Variants in SYT1 observed in about 807,000 individuals in gnomAD.
SYT1 encodes synaptotagmin 1.
Under a neutral mutation model 44.8 loss-of-function variants are expected in SYT1, and 8 were observed. The observed-to-expected ratio is 0.18, with a 90% confidence interval of 0.10 to 0.32. SYT1 has a LOEUF of 0.32. SYT1 is among the 10% of genes least tolerant of loss of function. The pLI is 1.00. For missense variants in SYT1, 286 were observed against 509.3 expected, an observed-to-expected ratio of 0.56 and a Z score of 4.22; for synonymous variants, 154 against 188.8, an observed-to-expected ratio of 0.82 and a Z score of 1.51.
At chr12:79,042,642 T>G (rs1425575114) in intron 2 of SYT1, among the ~76,000 whole-genome samples, 1 of 133,198 alleles carries the variant, frequency 7.5e-6, no homozygotes, top group African/African-American at 2.9e-5. Context: ...CTGCTCTGAT[T>G]TTAGTTATTT....
At chr12:79,286,583 T>A (rs536855644) in intron 5 of SYT1, among the ~76,000 whole-genome samples, 60 of 152,292 alleles carry the variant, frequency 3.9e-4, no homozygotes, top group Middle Eastern at 3.4e-3. Context: ...AATTCTCATT[T>A]CAATTTAATA....
At chr12:78,907,837 A>G (rs917293871) in intron 1 of SYT1, among the ~76,000 whole-genome samples, 2 of 152,086 alleles carry the variant, frequency 1.3e-5, no homozygotes, top group Non-Finnish European at 2.9e-5. Context: ...AGGACTTAAT[A>G]GAAGCAAAAT....
At chr12:79,103,404 A>T (rs1409572905) in intron 3 of SYT1, among the ~76,000 whole-genome samples, 2 of 152,058 alleles carry the variant, frequency 1.3e-5, no homozygotes, top group Non-Finnish European at 2.9e-5. Flanking sequence ...GTCCTAAAAG[A>T]TATTTTTTTC....
intron 3 of SYT1, among the ~76,000 whole-genome samples, chr12:79,157,424 T>G (rs1724882967): frequency 6.6e-6 from 1 of 152,200 alleles, no homozygotes; most frequent in African/African-American, 2.4e-5. Context: ...CCGTCGCTAT[T>G]TAGAGACTTC....
At chr12:79,251,431 G>T (rs1282046933) in intron 4 of SYT1, among the ~76,000 whole-genome samples, 1 of 152,092 alleles carries the variant, frequency 6.6e-6, no homozygotes. Flanking sequence ...TCAGATAAGA[G>T]AAAATGGAAA....
At chr12:79,173,548 C>T (rs1871681176) in intron 3 of SYT1, among the ~76,000 whole-genome samples, 2 of 151,980 alleles carry the variant, frequency 1.3e-5, no homozygotes, top group Non-Finnish European at 2.9e-5. Context: ...GTGTTCCCAT[C>T]CTAAAAGAGA....
At chr12:78,876,729 T>TATA in intron 1 of SYT1, among the ~76,000 whole-genome samples, 1 of 102,274 alleles carries the variant, frequency 9.8e-6, no homozygotes, top group Non-Finnish European at 1.9e-5. Context: ...ATAATATAAT[T>TATA]ATATATTATA....
At chr12:78,916,511 CT>C (rs1876663929) in intron 1 of SYT1, among the ~76,000 whole-genome samples, 1 of 151,874 alleles carries the variant, frequency 6.6e-6, no homozygotes, top group South Asian at 2.1e-4. Context: ...TCTTATCCTA[CT>C]TTTTTGTAGT....
At chr12:79,084,282 C>T (rs1877232710) in intron 3 of SYT1, among the ~76,000 whole-genome samples, 1 of 152,076 alleles carries the variant, frequency 6.6e-6, no homozygotes, top group African/African-American at 2.4e-5. Context: ...TTTATTCATT[C>T]ATCTAGATAT....
intron 1 of SYT1, among the ~76,000 whole-genome samples, chr12:78,906,961 C>T (rs1202265382): frequency 6.6e-6 from 1 of 151,980 alleles, no homozygotes; most frequent in Non-Finnish European, 1.5e-5. Context: ...TTAATAATAC[C>T]TACTGCTATA....
At chr12:79,431,265 T>C (rs1869758500) in intron 9 of SYT1, among the ~76,000 whole-genome samples, 1 of 152,146 alleles carries the variant, frequency 6.6e-6, no homozygotes, top group African/African-American at 2.4e-5. Context: ...ATTTAACTAA[T>C]ACCCCCACTC....
intron 9 of SYT1, 71 bp downstream of exon 9, chr12:79,353,690 TG>T: frequency 1.8e-6 from 2 of 1,095,826 alleles, no homozygotes; most frequent in Admixed American, 3.4e-5. Context: ...ATGGCGCACA[TG>T]CTGCGACTCC....
chr12:79,446,034 T>TATATAA (rs1491131045), intron 10 of SYT1, among the ~76,000 whole-genome samples: 1 of 115,542 alleles, frequency 8.7e-6, no homozygotes, highest in Non-Finnish European at 1.8e-5. Context: ...TATATATATA[T>TATATAA]TATGCCTAGG....
chr12:79,360,383 T>C (rs924274235), intron 9 of SYT1, among the ~76,000 whole-genome samples: 42 of 152,306 alleles, frequency 2.8e-4, no homozygotes, highest in Non-Finnish European at 5.1e-4. Flanking sequence ...ATAAAAGCAA[T>C]AGATGTTTCC....
intron 4 of SYT1, among the ~76,000 whole-genome samples, chr12:79,252,552 A>C (rs2138698237): frequency 6.6e-6 from 1 of 152,226 alleles, no homozygotes; most frequent in Non-Finnish European, 1.5e-5. Flanking sequence ...CACTTCTGGG[A>C]TAAGCATTTG....
At chr12:79,201,937 G>A (rs996659565) in intron 3 of SYT1, among the ~76,000 whole-genome samples, 14 of 152,056 alleles carry the variant, frequency 9.2e-5, no homozygotes, top group African/African-American at 3.4e-4. Flanking sequence ...TGATCAGTAA[G>A]TATGAAAAAA....
intron 3 of SYT1, among the ~76,000 whole-genome samples, chr12:79,113,346 A>C (rs1483392830): frequency 6.6e-6 from 1 of 152,148 alleles, no homozygotes; most frequent in African/African-American, 2.4e-5. Context: ...TGAGTCTGGC[A>C]CTTACTGGCA....
intron 1 of SYT1, among the ~76,000 whole-genome samples, chr12:78,924,369 A>G (rs1050148531): frequency 2.6e-5 from 4 of 151,812 alleles, no homozygotes; most frequent in Non-Finnish European, 4.4e-5. Flanking sequence ...GAGAATAACT[A>G]AATATCCTGT....
At chr12:79,333,356 C>T (rs1881944642) in intron 8 of SYT1, among the ~76,000 whole-genome samples, 1 of 152,150 alleles carries the variant, frequency 6.6e-6, no homozygotes, top group Admixed American at 6.5e-5. Context: ...CAGGAAGACT[C>T]AGCCCTCATC....
Sources: allele counts gnomAD v4.1 joint callset (sites outside exome capture counted in the v4.1 genomes callset), GRCh38; gene constraint gnomAD v4.1.1; transcripts MANE v1.5; gene names NCBI Gene and HGNC (gene_info 2026-07-23, HGNC 2026-07-21).